Variants in ARHGAP19 observed in about 807,000 individuals in gnomAD.
ARHGAP19 encodes the protein Rho GTPase activating protein 19, also known as rho GTPase-activating protein 19.
In ARHGAP19, 48 loss-of-function variants were observed where a neutral mutation model predicts 60.9. That is an observed-to-expected ratio of 0.79 (90% CI 0.62 to 1.00). The LOEUF is 1.00. ARHGAP19 is among the 50% of genes least tolerant of loss of function. The pLI is 0.00. For synonymous variants in ARHGAP19, 209 were observed against 215.5 expected (o/e 0.97, Z 0.27); for missense variants, 562 against 597.2 (o/e 0.94, Z 0.61).
chr10:97,231,631 T>C (rs758858729), intron 9 of ARHGAP19, among the ~76,000 whole-genome samples: 5 of 152,198 alleles, frequency 3.3e-5, no homozygotes, highest in African/African-American at 7.2e-5. Context: ...GTAGGATATG[T>C]CAGAATTTCT....
chr10:97,268,712 A>G (rs1284490046), intron 1 of ARHGAP19, among the ~76,000 whole-genome samples: 1 of 152,216 alleles, frequency 6.6e-6, no homozygotes, highest in Non-Finnish European at 1.5e-5. Context: ...ACAGCACAGG[A>G]AAAACCTGCC....
chr10:97,243,470 G>C (rs1050757050), intron 8 of ARHGAP19, among the ~76,000 whole-genome samples: 1 of 152,150 alleles, frequency 6.6e-6, no homozygotes, highest in Admixed American at 6.6e-5. Flanking sequence ...TCTAGTATCA[G>C]ACTAGGGTCC....
intron 1 of ARHGAP19, among the ~76,000 whole-genome samples, chr10:97,285,353 T>A (rs2134927199): frequency 6.6e-6 from 1 of 152,142 alleles, no homozygotes; most frequent in East Asian, 1.9e-4. Flanking sequence ...TTATTTTTTT[T>A]AACAACAGGG....
chr10:97,289,716 T>C (rs1276509317), intron 1 of ARHGAP19, among the ~76,000 whole-genome samples: 2 of 151,732 alleles, frequency 1.3e-5, no homozygotes, highest in African/African-American at 4.8e-5. Flanking sequence ...TAGCTGGGCA[T>C]AGTGGCACGT....
At chr10:97,241,276 G>A (rs1392383753) in intron 8 of ARHGAP19, among the ~76,000 whole-genome samples, 1 of 152,016 alleles carries the variant, frequency 6.6e-6, no homozygotes, top group African/African-American at 2.4e-5. Context: ...AGTGAGCTGA[G>A]ATTGAGCCAC....
At chr10:97,274,776 C>T (rs1185944188) in intron 1 of ARHGAP19, among the ~76,000 whole-genome samples, 1 of 151,898 alleles carries the variant, frequency 6.6e-6, no homozygotes, top group East Asian at 1.9e-4. Context: ...ACATAGATGG[C>T]CAGAACCAGG....
At chr10:97,261,555 T>C (rs567359137) in intron 4 of ARHGAP19, among the ~76,000 whole-genome samples, 3 of 152,300 alleles carry the variant, frequency 2.0e-5, no homozygotes, top group Non-Finnish European at 4.4e-5. Flanking sequence ...ACATCTTTAT[T>C]TCTCCCCAAA....
chr10:97,257,586 G>GT (rs1842773474), intron 5 of ARHGAP19, among the ~76,000 whole-genome samples: 1 of 152,062 alleles, frequency 6.6e-6, no homozygotes, highest in Non-Finnish European at 1.5e-5. Context: ...GATTACAGGC[G>GT]TAAGTCACTA....
At chr10:97,233,062 T>C (rs1481213504) in intron 9 of ARHGAP19, among the ~76,000 whole-genome samples, 1 of 151,820 alleles carries the variant, frequency 6.6e-6, no homozygotes, top group Non-Finnish European at 1.5e-5. Flanking sequence ...GGTGGAAGAA[T>C]CACTTGAACC....
At chr10:97,242,935 C>G (rs946075201) in intron 8 of ARHGAP19, among the ~76,000 whole-genome samples, 5 of 152,146 alleles carry the variant, frequency 3.3e-5, no homozygotes, top group Non-Finnish European at 7.4e-5. Flanking sequence ...CAGGTGTGAG[C>G]CACCGCGCCC....
rs533576887 is a variant in ARHGAP19, at chr10:97,224,914, G to A, written c.*1208C>T. 5.4e-4 allele frequency: 83 copies of A among 152,534 alleles called. No individual in the cohort carries two copies. Among genetic ancestry groups the A allele is most frequent in the African/African-American group, 1.9e-3 (77 of 41,588 alleles). The allele number at this position is 152,534 out of a possible 1,614,324, so 9.4% of individuals were successfully genotyped here. A position where few individuals can be genotyped will look rare whatever the true frequency, so the allele number is the denominator to read the frequency against. ...CCAAATTACCACCTGTGTCCCTTCT[G>A]ACAAAGAGAGGGCGGAACAGTAACA... On this transcript the variant is annotated 3_prime_UTR_variant, in exon 12 of 12. Transcript: ENST00000358531.
intron 1 of ARHGAP19, 44 bp downstream of exon 1, chr10:97,292,528 C>A: frequency 6.2e-7 from 1 of 1,612,880 alleles, no homozygotes; most frequent in Non-Finnish European, 8.5e-7. Flanking sequence ...GGACTACCAG[C>A]CCAAGGCCGC....
At chr10:97,240,186 C>G (rs961808148) in intron 8 of ARHGAP19, among the ~76,000 whole-genome samples, 1 of 150,550 alleles carries the variant, frequency 6.6e-6, no homozygotes, top group African/African-American at 2.4e-5. Flanking sequence ...GGACCTAGTA[C>G]ACGTAGCAGC....
At chr10:97,242,825 T>C (rs1046185871) in intron 8 of ARHGAP19, among the ~76,000 whole-genome samples, 1 of 152,126 alleles carries the variant, frequency 6.6e-6, no homozygotes, top group African/African-American at 2.4e-5. Context: ...TAATTTTGTA[T>C]TTTTAGTAGA....
At chr10:97,256,446 T>C (rs1209155535) in intron 5 of ARHGAP19, 42 bp from the exon 6 acceptor site, 1 of 1,386,316 alleles carries the variant, frequency 7.2e-7, no homozygotes. Context: ...CATTAAGAGC[T>C]AGAAAGTAGT....
intron 7 of ARHGAP19, 44 bp from the exon 8 acceptor site, chr10:97,244,203 A>G (rs558576977): frequency 4.8e-5 from 73 of 1,515,470 alleles, no homozygotes; most frequent in Middle Eastern, 1.8e-4. Flanking sequence ...TATCCTGCCA[A>G]CTTTGTTTTG....
At chr10:97,250,157 T>C (rs898331306) in intron 6 of ARHGAP19, among the ~76,000 whole-genome samples, 30 of 152,242 alleles carry the variant, frequency 2.0e-4, no homozygotes, top group African/African-American at 6.3e-4. Flanking sequence ...TGAAGTATCA[T>C]GGTGTCTGCA....
intron 5 of ARHGAP19, among the ~76,000 whole-genome samples, chr10:97,257,232 C>T (rs1394111174): frequency 6.6e-6 from 1 of 151,860 alleles, no homozygotes. Flanking sequence ...ATCCCAAAGC[C>T]CTCATTTTCA....
In ARHGAP19 at chr10:97,228,948, C is replaced by T. The variant is rs112450687; in HGVS notation, c.1474+199G>A. 5,123 of 687,952 alleles carry T rather than the reference C, an allele frequency of 7.4e-3. 27 individuals are homozygous for T. The highest frequency in any genetic ancestry group is 0.01 in the Non-Finnish European group (3,922 of 376,074). The allele number at this position is 687,952 out of a possible 1,614,324, so 42.6% of individuals were successfully genotyped here. ...TGTGGGTCTGTGTTCACAGCTCTAC[C>T]CTTAGCACCCAAGACAATGCTGAGT... On this transcript the variant is annotated intron_variant, in intron 11 of 11. Transcript: ENST00000358531.
Sources: gnomAD v4.1 joint callset for allele counts (sites outside exome capture counted in the v4.1 genomes callset) on GRCh38, gnomAD v4.1.1 for gene constraint, MANE v1.5 for transcripts, NCBI Gene and HGNC (gene_info 2026-07-23, HGNC 2026-07-21) for gene names.